Variants in PACRGL observed in about 807,000 individuals in gnomAD.
PACRGL encodes the protein parkin coregulated like.
Under a neutral mutation model 34.5 loss-of-function variants are expected in PACRGL, and 38 were observed. The observed-to-expected ratio is 1.10, with a 90% CI of 0.85 to 1.44. The LOEUF (loss-of-function observed/expected upper bound fraction) is 1.44, where lower values mean the gene tolerates loss of function less well. PACRGL is among the 40% of genes most tolerant of loss of function. The pLI, the probability that PACRGL is intolerant of heterozygous loss-of-function variation, is 0.00. For synonymous variants in PACRGL, 128 were observed against 100.1 expected, an observed-to-expected ratio of 1.28 and a Z score of -1.66; for missense variants, 305 against 281.4, an observed-to-expected ratio of 1.08 and a Z score of -0.60.
chr4:20,716,350 T>A (rs1739995886), intron 7 of PACRGL: 1 of 587,130 alleles, frequency 1.7e-6, no homozygotes, highest in South Asian at 2.2e-5. Context: ...TTTTGTTTGT[T>A]TGTTTGTTTT....
downstream of PACRGL, chr4:20,732,716 C>A: frequency 6.2e-7 from 1 of 1,612,630 alleles, no homozygotes; most frequent in Non-Finnish European, 8.5e-7. Context: ...CTGGGAGCAT[C>A]TTCTTTGAGG....
downstream of PACRGL, chr4:20,732,819 C>T (rs1226161590): frequency 7.9e-7 from 1 of 1,266,622 alleles, no homozygotes; most frequent in Non-Finnish European, 1.2e-6. Flanking sequence ...TGAGGCTGCA[C>T]ACATGTATGA....
chr4:20,747,539 CT>C (rs1304513825), intron 8 of PACRGL, among the ~76,000 whole-genome samples: 4 of 152,298 alleles, frequency 2.6e-5, no homozygotes, highest in African/African-American at 9.6e-5. Flanking sequence ...CCAGGATAGT[CT>C]TCCCCCAACC....
chr4:20,730,538 T>A lies in PACRGL; in HGVS notation c.*3197T>A, dbSNP rs762333230. On this transcript the variant is annotated 3_prime_UTR_variant, in exon 9 of 9. Coordinates refer to ENST00000503585, the MANE Select transcript of PACRGL (RefSeq NM_001258345.3). The stretch of plus-strand genomic sequence containing the variant: ...TACAGGTACAAGGAAAATTTGTGTG[T>A]ATGAGCCAGCAGTTCATGAAGATTG... Among the ~76,000 whole-genome samples, 1 of 151,898 alleles carries A rather than the reference T, an allele frequency of 6.6e-6. No homozygotes were observed. Among genetic ancestry groups the A allele is most frequent in the Non-Finnish European group, 1.5e-5 (1 of 68,032 alleles).
the PACRGL span, among the ~76,000 whole-genome samples, chr4:20,758,649 T>G: frequency 6.6e-6 from 1 of 152,238 alleles, no homozygotes; most frequent in Non-Finnish European, 1.5e-5. Flanking sequence ...TGATAATTTC[T>G]AAGTCGCTGG....
At chr4:20,718,864 T>G (rs941043615) in intron 7 of PACRGL, 2 of 152,264 alleles carry the variant, frequency 1.3e-5, no homozygotes, top group African/African-American at 4.8e-5. Flanking sequence ...TTAGGGAGGA[T>G]TCCCTCTTTT....
chr4:20,707,731 A>G, intron 3 of PACRGL, 72 bp from the exon 4 acceptor site: 3 of 1,366,764 alleles, frequency 2.2e-6, no homozygotes, highest in Non-Finnish European at 3.1e-6. Flanking sequence ...TGGCGGTTTG[A>G]AAAGCAAAAT....
At chr4:20,764,471 C>T in the PACRGL span, among the ~76,000 whole-genome samples, 2 of 152,040 alleles carry the variant, frequency 1.3e-5, no homozygotes, top group African/African-American at 4.8e-5. Flanking sequence ...ATATTCTATG[C>T]ATCCTTCTGT....
chr4:20,731,856 A>C lies in PACRGL; in HGVS notation c.*4515A>C. 1.4e-6 allele frequency: 2 copies of C among 1,407,372 alleles called. No individual in the cohort carries two copies. Among genetic ancestry groups the C allele is most frequent in the Non-Finnish European group, 1.9e-6 (2 of 1,080,174 alleles). The allele number at this position is 1,407,372 out of a possible 1,614,324, so 87.2% of individuals were successfully genotyped here. On this transcript the variant is annotated 3_prime_UTR_variant, in exon 9 of 9. Coordinates refer to ENST00000503585, the MANE Select transcript of PACRGL (RefSeq NM_001258345.3). ...GATTATGTAATTGGTGCTTGTTTTC[A>C]GAGTGGTAGGCTTATGCTGCATGTT...
intron 1 of PACRGL, chr4:20,701,918 T>C (rs1161576318): frequency 2.2e-6 from 1 of 455,828 alleles, no homozygotes; most frequent in Admixed American, 2.3e-5. Flanking sequence ...AAAAAGCAAT[T>C]GTTTTGGAAG....
At chr4:20,725,382 CAT>C (rs1219169468) in intron 8 of PACRGL, among the ~76,000 whole-genome samples, 2 of 151,584 alleles carry the variant, frequency 1.3e-5, no homozygotes, top group African/African-American at 2.4e-5. Flanking sequence ...CACACGGACA[CAT>C]ATGCACACAC....
chr4:20,758,722 G>T, the PACRGL span: 1 of 884,718 alleles, frequency 1.1e-6, no homozygotes, highest in Non-Finnish European at 1.8e-6. Flanking sequence ...TTTACATAAC[G>T]ATTAAAAATG....
chr4:20,737,204 G>A (rs1305818855), downstream of PACRGL, among the ~76,000 whole-genome samples: 7 of 152,208 alleles, frequency 4.6e-5, no homozygotes, highest in South Asian at 1.0e-3. Context: ...CAGGTACAGA[G>A]AGGAGAAGCT....
rs866008161 is a variant in PACRGL at position 20,713,539 on chromosome 4, C to T, written c.609C>T (p.Ser203=). The T allele has an allele frequency of 4.8e-5, 76 of 1,598,262 alleles. No individual in the cohort carries two copies. The highest frequency in any genetic ancestry group is 4.2e-4 in the East Asian group (19 of 44,774). The change falls in exon 7 of 9, where the codon AGC becomes AGT. Residue 203 remains serine, a splice_region_variant and synonymous_variant. Transcript: ENST00000503585. ...ACCATCTGAAGCATCTGCTTACAAG[C>T]GTAAGTACTGCAAAGATTAGATAAT... is the stretch of plus-strand genomic sequence containing the variant. ...LNDHLKHLLT[S]LSKRLMDKKF...
At chr4:20,763,647 TC>T in the PACRGL span, among the ~76,000 whole-genome samples, 2 of 152,206 alleles carry the variant, frequency 1.3e-5, no homozygotes, top group African/African-American at 4.8e-5. Flanking sequence ...GGAATATCTA[TC>T]CCTGTGGCAT....
downstream of PACRGL, among the ~76,000 whole-genome samples, chr4:20,755,201 T>C (rs1754287324): frequency 1.3e-5 from 2 of 152,202 alleles, no homozygotes; most frequent in Admixed American, 1.3e-4. Context: ...ACAGTCTTCC[T>C]GTGTTTTCTT....
intron 7 of PACRGL, 54 bp downstream of exon 7, chr4:20,713,593 A>G (rs987883692): frequency 2.2e-6 from 3 of 1,375,436 alleles, no homozygotes; most frequent in Non-Finnish European, 3.1e-6. Context: ...TGCACCATCC[A>G]TATCTCTTCA....
Position 20,704,508 on chromosome 4 carries a change from T to C in PACRGL, c.27T>C (p.Gly9=), listed in dbSNP as rs112562140. 1 of 1,613,796 alleles carries C rather than the reference T, an allele frequency of 6.2e-7. No individual in the cohort carries two copies. Among genetic ancestry groups the C allele is most frequent in the Non-Finnish European group, 8.5e-7 (1 of 1,179,958 alleles). Reference sequence around the variant, plus strand: ...TGCAGAAATCAGAGGGCTCTGGAGGTACACAGTTGAAAAACAGAGCAACAG... The same window carrying C: ...TGCAGAAATCAGAGGGCTCTGGAGGCACACAGTTGAAAAACAGAGCAACAG... MQKSEGSG[G]TQLKNRATGN... The change falls in exon 2 of 9, where the codon GGT becomes GGC. Residue 9 remains glycine (G), a synonymous_variant. Coordinates refer to ENST00000503585, the MANE Select transcript of PACRGL (RefSeq NM_001258345.3).
At position 20,703,465 on chromosome 4, in the gene PACRGL, C is replaced by G. The variant is rs1393105791; in HGVS notation, c.-16-1001C>G. On this transcript the variant is annotated intron_variant, in intron 1 of 8. Transcript: ENST00000503585. Reference sequence around the variant, plus strand: ...CTTGGCCTAAAAATACCAGTAGGCACTTGGGTATATGAGTGTGTGTGTGTG... The same window carrying G: ...CTTGGCCTAAAAATACCAGTAGGCAGTTGGGTATATGAGTGTGTGTGTGTG... Among the ~76,000 whole-genome samples the G allele has an allele frequency of 2.8e-5, 4 of 142,852 alleles. No homozygotes were observed. The East Asian group carries it at 8.3e-4, about 30-fold the overall frequency. 93.7% of individuals were successfully genotyped at this position (142,852 alleles called of 152,430 possible).
Sources: allele counts gnomAD v4.1 joint callset (sites outside exome capture counted in the v4.1 genomes callset), GRCh38; gene constraint gnomAD v4.1.1; transcripts MANE v1.5; gene names NCBI Gene and HGNC (gene_info 2026-07-23, HGNC 2026-07-21).